Variants in ATP2B2 observed in about 807,000 individuals in gnomAD.
ATP2B2 encodes the protein plasma membrane calcium-transporting ATPase 2.
In ATP2B2, 15 loss-of-function variants were observed where a neutral mutation model predicts 120.0. That is an observed-to-expected ratio of 0.12 (90% confidence interval 0.08 to 0.19). The LOEUF (loss-of-function observed/expected upper bound fraction) is 0.19. Ranked by LOEUF, ATP2B2 falls within the 10% of genes least tolerant of loss-of-function variation. The pLI is 1.00. For synonymous variants in ATP2B2, 694 were observed against 700.3 expected, an observed-to-expected ratio of 0.99 and a Z score of 0.14; for missense variants, 1,045 against 1,719.8, an observed-to-expected ratio of 0.61 and a Z score of 6.94.
Position 10,338,370 on chromosome 3 carries a change from C to T in ATP2B2, c.3238-12G>A. 5 of 1,614,110 alleles carry T rather than the reference C, an allele frequency of 3.1e-6. No homozygotes were observed. The highest frequency in any genetic ancestry group is 1.7e-6 in the Non-Finnish European group (2 of 1,180,028). On this transcript the variant is annotated splice_polypyrimidine_tract_variant and intron_variant, in intron 21 of 22. Coordinates refer to ENST00000360273, the MANE Select transcript of ATP2B2 (RefSeq NM_001001331.4). Reference sequence around the variant, plus strand: ...ATGGTGGCGATGACCTGCAAGGGACCCTGTCTGTCAGGACGGTGGGGCTGT... The same window carrying T: ...ATGGTGGCGATGACCTGCAAGGGACTCTGTCTGTCAGGACGGTGGGGCTGT...
intron 3 of ATP2B2, among the ~76,000 whole-genome samples, chr3:10,407,921 C>T (rs891479174): frequency 3.3e-5 from 5 of 152,208 alleles, no homozygotes; most frequent in African/African-American, 1.2e-4. Flanking sequence ...AAGCTGAGCA[C>T]ATGGAGGGCC....
At chr3:10,397,441 CA>C (rs1249193395) in intron 5 of ATP2B2, among the ~76,000 whole-genome samples, 1 of 152,158 alleles carries the variant, frequency 6.6e-6, no homozygotes, top group East Asian at 1.9e-4. Flanking sequence ...ACTCAAACAC[CA>C]TGACGAGGCT....
chr3:10,543,201 G>T lies in ATP2B2; in HGVS notation c.-414-9068C>A, dbSNP rs146944849. 5.7e-3 allele frequency among the ~76,000 whole-genome samples: 863 copies of T among 152,252 alleles called. 17 individuals carry two copies. The highest frequency in any genetic ancestry group is 0.016 in the Admixed American group (247 of 15,290). On this transcript the variant is annotated intron_variant, in intron 2 of 21. Coordinates refer to the ATP2B2 transcript ENST00000646379. ...ATGTGCTTAATAGCAGACTGCTTTT[G>T]AACCTGAACTTGGACTTCCAACCTC...
chr3:10,435,097 C>T (rs759514390), intron 2 of ATP2B2, among the ~76,000 whole-genome samples: 15 of 152,198 alleles, frequency 9.9e-5, no homozygotes, highest in Non-Finnish European at 1.6e-4. Context: ...AGCTGTGCGA[C>T]GTGGGCGAGT....
At chr3:10,492,989 CTGTA>C (rs1053918351) in intron 1 of ATP2B2, among the ~76,000 whole-genome samples, 4 of 152,298 alleles carry the variant, frequency 2.6e-5, no homozygotes. Flanking sequence ...CTTGCCTCCC[CTGTA>C]CCACCTCTCC....
intron 3 of ATP2B2, among the ~76,000 whole-genome samples, chr3:10,514,219 C>G (rs540099180): frequency 6.6e-6 from 1 of 152,086 alleles, no homozygotes; most frequent in Admixed American, 6.5e-5. Flanking sequence ...TCTTCCCTAC[C>G]CTGTGATAGG....
intron 2 of ATP2B2, among the ~76,000 whole-genome samples, chr3:10,441,907 G>A (rs992296346): frequency 2.0e-5 from 3 of 152,208 alleles, no homozygotes; most frequent in Admixed American, 2.0e-4. Flanking sequence ...TAAGGACTTA[G>A]AAGGTGAAGC....
intron 14 of ATP2B2, 22 bp downstream of exon 14, chr3:10,358,669 G>C: frequency 6.2e-7 from 1 of 1,613,106 alleles, no homozygotes; most frequent in South Asian, 1.1e-5. Flanking sequence ...CTTTCCCTGA[G>C]CTCGCTGGCC....
At chr3:10,543,952 T>A (rs1000432089) in intron 2 of ATP2B2, among the ~76,000 whole-genome samples, 8 of 152,188 alleles carry the variant, frequency 5.3e-5, no homozygotes, top group African/African-American at 1.9e-4. Flanking sequence ...TTGGCCAGGC[T>A]GGTCTCCAAC....
At chr3:10,382,197 A>ATTTTTTTTTTTTT (rs58615119) in intron 8 of ATP2B2, among the ~76,000 whole-genome samples, 4 of 122,320 alleles carry the variant, frequency 3.3e-5, no homozygotes, top group African/African-American at 6.7e-5. Context: ...AGCTAATTAA[A>ATTTTTTTTTTTTT]TTTTTTTTTT....
chr3:10,380,543 C>T (rs564957880), intron 8 of ATP2B2, among the ~76,000 whole-genome samples: 1 of 152,308 alleles, frequency 6.6e-6, no homozygotes, highest in African/African-American at 2.4e-5. Context: ...GGATGAGAAA[C>T]TGAGGCTCAG....
At chr3:10,478,587 G>T (rs1394365826) in intron 1 of ATP2B2, among the ~76,000 whole-genome samples, 1 of 152,108 alleles carries the variant, frequency 6.6e-6, no homozygotes, top group East Asian at 1.9e-4. Context: ...CCTGGGATTT[G>T]CTGTTGCCAC....
chr3:10,638,899 T>C (rs191863725), intron 1 of ATP2B2, among the ~76,000 whole-genome samples: 103 of 152,346 alleles, frequency 6.8e-4, no homozygotes, highest in Middle Eastern at 3.4e-3. Flanking sequence ...ATTCATAAAG[T>C]GGAGATAGCA....
chr3:10,523,614 G>T (rs2067028551), intron 3 of ATP2B2, among the ~76,000 whole-genome samples: 1 of 152,204 alleles, frequency 6.6e-6, no homozygotes, highest in African/African-American at 2.4e-5. Flanking sequence ...CTGACACATG[G>T]TGCAAATGGT....
chr3:10,618,763 G>T (rs78062030), intron 2 of ATP2B2, among the ~76,000 whole-genome samples: 3,530 of 152,268 alleles, frequency 0.023, 84 homozygotes, highest in African/African-American at 0.066. Context: ...CACTTGGGAA[G>T]AAACCATGAA....
At chr3:10,388,190 T>C in intron 6 of ATP2B2, 87 bp downstream of exon 6, 1 of 1,590,358 alleles carries the variant, frequency 6.3e-7, no homozygotes, top group Non-Finnish European at 8.6e-7. Flanking sequence ...AGGCACTCAA[T>C]AACTATTTTG....
chr3:10,510,072 G>A (rs140109192), upstream of ATP2B2, among the ~76,000 whole-genome samples: 2,434 of 152,326 alleles, frequency 0.016, 39 homozygotes, highest in Admixed American at 0.036. Flanking sequence ...TCCTCTGGCT[G>A]GTAGATAAGG....
chr3:10,638,496 A>T (rs2070084167), intron 1 of ATP2B2, among the ~76,000 whole-genome samples: 1 of 152,208 alleles, frequency 6.6e-6, no homozygotes, highest in Non-Finnish European at 1.5e-5. Flanking sequence ...AAGCTAACAA[A>T]GGAAATAAAA....
At chr3:10,352,900 A>T (rs1462899372) in intron 14 of ATP2B2, among the ~76,000 whole-genome samples, 1 of 152,172 alleles carries the variant, frequency 6.6e-6, no homozygotes, top group Non-Finnish European at 1.5e-5. Flanking sequence ...TCTTGGTTTC[A>T]AAGACGCTGG....
Sources: gnomAD v4.1 joint callset for allele counts (sites outside exome capture counted in the v4.1 genomes callset) on GRCh38, gnomAD v4.1.1 for gene constraint, MANE v1.5 for transcripts, NCBI Gene and HGNC (gene_info 2026-07-23, HGNC 2026-07-21) for gene names.